BBX: variants seen among roughly 807,000 people sequenced by gnomAD.
The protein encoded by BBX is HMG box transcription factor BBX.
Under a neutral mutation model 100.2 loss-of-function variants are expected in BBX, and 30 were observed. The observed-to-expected ratio is 0.30, with a 90% CI of 0.22 to 0.41. The LOEUF (loss-of-function observed/expected upper bound fraction) is 0.41, where lower values mean the gene tolerates loss of function less well. Ranked by LOEUF, BBX falls within the 10% of genes least tolerant of loss-of-function variation. BBX has a pLI of 1.00. For missense variants in BBX, 1,023 were observed against 1,129.8 expected (o/e 0.91, Z 1.35); for synonymous variants, 376 against 388.1 (o/e 0.97, Z 0.37).
intron 2 of BBX, among the ~76,000 whole-genome samples, chr3:107,601,449 T>G (rs2054059970): frequency 1.3e-5 from 2 of 152,134 alleles, no homozygotes; most frequent in Admixed American, 1.3e-4. Flanking sequence ...TTGAAGAAAA[T>G]TAAAAGTACT....
chr3:107,744,632 A>T lies in BBX; in HGVS notation c.672A>T (p.Val224=). The change falls in exon 8 of 18, where the codon GTA becomes GTT. Residue 224 remains valine, a splice_region_variant and synonymous_variant. Transcript: ENST00000325805. ...TATGATATCTTTCTTTGTTTCAGGT[A>T]TCCTCTGGCACATGCAGGCCTGATG... ...AGEHALGTPE[V]SSGTCRPDVS... is the part of the protein sequence containing the mutation. The T allele has an allele frequency of 6.2e-7, 1 of 1,611,934 alleles. No individual in the cohort carries two copies. Among genetic ancestry groups the T allele is most frequent in the Non-Finnish European group, 8.5e-7 (1 of 1,178,268 alleles).
chr3:107,555,938 A>G (rs1170314948), intron 2 of BBX, among the ~76,000 whole-genome samples: 2 of 152,228 alleles, frequency 1.3e-5, no homozygotes, highest in Admixed American at 6.5e-5. Context: ...TATTTCTGCA[A>G]AAATATAATT....
rs575501942 is a variant in BBX at position 107,697,453 on chromosome 3, G to T, written c.-9-12999G>T. ...CAGCTGCAGGTCTGTTGGAGTACCT[G>T]GCCTTGTGAGGTGTCAGTCTGCCCC... On this transcript the variant is annotated intron_variant, in intron 3 of 17. Transcript: ENST00000325805. 1.3e-3 allele frequency among the ~76,000 whole-genome samples: 205 copies of T among 151,874 alleles called. 1 individual carries two copies. The highest frequency in any genetic ancestry group is 2.0e-3 in the Non-Finnish European group (139 of 67,980).
At chr3:107,572,312 T>TG (rs1343394545) in intron 2 of BBX, among the ~76,000 whole-genome samples, 1 of 152,222 alleles carries the variant, frequency 6.6e-6, no homozygotes, top group Non-Finnish European at 1.5e-5. Context: ...CATTTATTTT[T>TG]TTTTAAATGT....
At chr3:107,542,195 G>A (rs1469068105) in intron 2 of BBX, among the ~76,000 whole-genome samples, 2 of 152,064 alleles carry the variant, frequency 1.3e-5, no homozygotes, top group East Asian at 3.9e-4. Flanking sequence ...GAGTAAAAAG[G>A]TCTAGTCATT....
chr3:107,662,826 A>G (rs948523879), intron 3 of BBX: 2 of 152,200 alleles, frequency 1.3e-5, no homozygotes, highest in African/African-American at 2.4e-5. Context: ...CAATTTCCAC[A>G]TGTGTAAACT....
intron 3 of BBX, among the ~76,000 whole-genome samples, chr3:107,701,329 G>A (rs1206753194): frequency 6.6e-6 from 1 of 152,140 alleles, no homozygotes; most frequent in Non-Finnish European, 1.5e-5. Context: ...TCATGTGCTG[G>A]CAGAGTGGCC....
Position 107,699,310 on chromosome 3 carries a change from A to T in BBX, c.-9-11142A>T, listed in dbSNP as rs1037282853. Among the ~76,000 whole-genome samples, 10 of 151,904 alleles carry T rather than the reference A, an allele frequency of 6.6e-5. No homozygotes were observed. The East Asian group carries it at 1.9e-3, about 29-fold the overall frequency. On this transcript the variant is annotated intron_variant, in intron 3 of 17. Coordinates refer to ENST00000325805, the MANE Select transcript of BBX (RefSeq NM_001142568.3). ...GCCAGGTTCCAGGAGGTGGGAGTGCATGGCAAGCTCCGGGTGATGGCATGT... is the reference window on the plus strand; with the variant it reads ...GCCAGGTTCCAGGAGGTGGGAGTGCTTGGCAAGCTCCGGGTGATGGCATGT...
intron 3 of BBX, among the ~76,000 whole-genome samples, chr3:107,696,826 C>T (rs1174177099): frequency 6.6e-6 from 1 of 151,390 alleles, no homozygotes; most frequent in African/African-American, 2.5e-5. Context: ...CCGTCACTTT[C>T]AGGTACACCA....
chr3:107,677,905 T>C (rs749899712), intron 3 of BBX, among the ~76,000 whole-genome samples: 15 of 152,144 alleles, frequency 9.9e-5, no homozygotes, highest in Non-Finnish European at 1.9e-4. Context: ...TCTTCTTTTT[T>C]GATTTTTGAA....
intron 3 of BBX, among the ~76,000 whole-genome samples, chr3:107,655,416 C>T (rs1468549864): frequency 3.3e-5 from 5 of 150,978 alleles, no homozygotes; most frequent in Non-Finnish European, 7.4e-5. Context: ...AGATAATTTT[C>T]TTCAAAGACT....
chr3:107,692,144 T>C (rs1243041979), intron 3 of BBX, among the ~76,000 whole-genome samples: 1 of 151,356 alleles, frequency 6.6e-6, no homozygotes, highest in Non-Finnish European at 1.5e-5. Context: ...ATCAGGATGA[T>C]AGAAAACATC....
At chr3:107,747,882 A>G (rs1277294810) in intron 8 of BBX, 83 bp from the exon 9 acceptor site, 1 of 1,149,936 alleles carries the variant, frequency 8.7e-7, no homozygotes, top group Non-Finnish European at 1.3e-6. Flanking sequence ...ATCAGTGTCT[A>G]CAGTTGAAAA....
At chr3:107,721,867 G>T (rs777875207) in intron 5 of BBX, among the ~76,000 whole-genome samples, 2 of 151,910 alleles carry the variant, frequency 1.3e-5, no homozygotes, top group East Asian at 1.9e-4. Flanking sequence ...GGAAATATAT[G>T]TACAAGCATT....
intron 4 of BBX, among the ~76,000 whole-genome samples, chr3:107,716,240 A>C (rs1190124181): frequency 1.3e-5 from 2 of 152,178 alleles, no homozygotes; most frequent in Non-Finnish European, 2.9e-5. Context: ...ACAATTAATT[A>C]AGTACTAATA....
chr3:107,732,379 A>C (rs1420130731), intron 6 of BBX, among the ~76,000 whole-genome samples: 1 of 152,192 alleles, frequency 6.6e-6, no homozygotes, highest in Non-Finnish European at 1.5e-5. Context: ...TGTGTTTGAC[A>C]CATGCCCTAA....
chr3:107,638,780 TACACACACACAC>T (rs61081300), intron 2 of BBX, among the ~76,000 whole-genome samples: 12,317 of 99,716 alleles, frequency 0.12, 1,443 homozygotes, highest in African/African-American at 0.25. Flanking sequence ...AAAAAAAGTA[TACACACACACAC>T]ACACACACAC....
chr3:107,633,390 T>C (rs2056665190), intron 2 of BBX, among the ~76,000 whole-genome samples: 1 of 152,164 alleles, frequency 6.6e-6, no homozygotes, highest in Non-Finnish European at 1.5e-5. Flanking sequence ...AATTCTTAGT[T>C]TCTTAAACAG....
chr3:107,606,373 A>G (rs1471483593), intron 2 of BBX, among the ~76,000 whole-genome samples: 1 of 152,220 alleles, frequency 6.6e-6, no homozygotes, highest in Non-Finnish European at 1.5e-5. Context: ...AAGGCTTCAG[A>G]AGTACATTTA....
Sources: allele counts gnomAD v4.1 joint callset (sites outside exome capture counted in the v4.1 genomes callset), GRCh38; gene constraint gnomAD v4.1.1; transcripts MANE v1.5; gene names NCBI Gene and HGNC (gene_info 2026-07-23, HGNC 2026-07-21).